FAF1: variants seen among roughly 807,000 people sequenced by gnomAD.
The protein encoded by FAF1 is FAS-associated factor 1.
FAF1 carries 25 observed loss-of-function variants against 92.5 expected under a neutral mutation model. The ratio of observed to expected loss-of-function variants is 0.27; its 90% CI spans 0.20 to 0.38. The LOEUF is 0.38. Ranked by LOEUF, FAF1 falls within the 10% of genes least tolerant of loss-of-function variation. The pLI, the probability that FAF1 is intolerant of heterozygous loss-of-function variation, is 1.00. For missense variants in FAF1, 636 were observed against 793.3 expected (o/e 0.80, Z 2.38); for synonymous variants, 234 against 273.2 (o/e 0.86, Z 1.42).
At chr1:50,536,119 T>C (rs952519562) in intron 14 of FAF1, among the ~76,000 whole-genome samples, 4 of 152,184 alleles carry the variant, frequency 2.6e-5, no homozygotes, top group Non-Finnish European at 5.9e-5. Context: ...AAAAGATTTC[T>C]TTTTTTGCCC....
At chr1:50,656,323 C>T (rs1402784304) in intron 7 of FAF1, among the ~76,000 whole-genome samples, 2 of 149,208 alleles carry the variant, frequency 1.3e-5, no homozygotes, top group African/African-American at 5.0e-5. Flanking sequence ...CAGAGTGAGA[C>T]TCCATCTCCC....
chr1:50,460,829 TGTG>T (rs1646419189), intron 18 of FAF1, among the ~76,000 whole-genome samples: 1 of 148,232 alleles, frequency 6.7e-6, no homozygotes, highest in African/African-American at 2.6e-5. Flanking sequence ...TGTGTGTGTG[TGTG>T]TGCAGAGAAA....
At chr1:50,776,826 T>C (rs1300745018) in intron 4 of FAF1, among the ~76,000 whole-genome samples, 2 of 152,088 alleles carry the variant, frequency 1.3e-5, no homozygotes, top group Non-Finnish European at 2.9e-5. Flanking sequence ...TCCCAACTAA[T>C]AAACCCGAGA....
At chr1:50,485,029 C>T (rs1028655096) in intron 17 of FAF1, among the ~76,000 whole-genome samples, 9 of 151,520 alleles carry the variant, frequency 5.9e-5, no homozygotes, top group Non-Finnish European at 8.8e-5. Flanking sequence ...GGGTGCAGCA[C>T]ACCAACATGG....
intron 1 of FAF1, among the ~76,000 whole-genome samples, chr1:50,926,879 CATAA>C (rs1203119834): frequency 3.9e-5 from 6 of 152,142 alleles, no homozygotes; most frequent in African/African-American, 1.4e-4. Context: ...AATGTCCATC[CATAA>C]ATAAAGAACA....
At position 50,904,131 on chromosome 1, in the gene FAF1, T is replaced by C. The variant is rs538835258; in HGVS notation, c.46-46134A>G. On this transcript the variant is annotated intron_variant, in intron 1 of 18. Transcript: ENST00000396153. ...AAGGTGGAAACAACCTAAATGTCCA[T>C]TGATAGATGAATAAACAAAATGTGG... is the stretch of plus-strand genomic sequence containing the variant. Among the ~76,000 whole-genome samples, 22 of 152,294 alleles carry C rather than the reference T, an allele frequency of 1.4e-4. No individual in the cohort carries two copies. The South Asian group carries it at 2.5e-3, about 17-fold the overall frequency.
intron 2 of FAF1, among the ~76,000 whole-genome samples, chr1:50,803,348 C>T (rs895798526): frequency 1.3e-5 from 2 of 152,110 alleles, no homozygotes; most frequent in African/African-American, 4.8e-5. Context: ...GGGAAGAATA[C>T]TAAGGACTCA....
At chr1:50,678,197 C>T (rs866557056) in intron 7 of FAF1, among the ~76,000 whole-genome samples, 42 of 152,164 alleles carry the variant, frequency 2.8e-4, no homozygotes, top group African/African-American at 1.0e-3. Flanking sequence ...TCTCTATACA[C>T]TTGCCTATGA....
At chr1:50,876,061 T>C (rs1054645653) in intron 1 of FAF1, among the ~76,000 whole-genome samples, 2 of 152,196 alleles carry the variant, frequency 1.3e-5, no homozygotes, top group African/African-American at 4.8e-5. Context: ...TAGTAGGATA[T>C]GTGCTATAAT....
intron 18 of FAF1, among the ~76,000 whole-genome samples, chr1:50,472,905 T>G (rs1298722614): frequency 6.6e-6 from 1 of 152,120 alleles, no homozygotes; most frequent in Non-Finnish European, 1.5e-5. Flanking sequence ...CAGAGAAGAA[T>G]GAAGGGCCTT....
At chr1:50,726,724 G>A (rs1288125850) in intron 6 of FAF1, among the ~76,000 whole-genome samples, 1 of 152,160 alleles carries the variant, frequency 6.6e-6, no homozygotes, top group Non-Finnish European at 1.5e-5. Context: ...AGCTACTCTG[G>A]AGGCTAAGGC....
chr1:50,881,267 G>T (rs549367154), intron 1 of FAF1, among the ~76,000 whole-genome samples: 2 of 152,146 alleles, frequency 1.3e-5, no homozygotes, highest in African/African-American at 4.8e-5. Context: ...AAATTCACTA[G>T]GTGGTTGTGA....
intron 8 of FAF1, among the ~76,000 whole-genome samples, chr1:50,598,059 T>C (rs2124088776): frequency 6.6e-6 from 1 of 152,248 alleles, no homozygotes; most frequent in South Asian, 2.1e-4. Context: ...TTTGCAAGGC[T>C]GAGTCAGGAG....
chr1:50,597,573 T>C (rs2124087153), intron 8 of FAF1, among the ~76,000 whole-genome samples: 1 of 152,270 alleles, frequency 6.6e-6, no homozygotes, highest in East Asian at 1.9e-4. Flanking sequence ...ATTAAATAAT[T>C]TGACAATTAT....
chr1:50,792,837 G>A (rs1257686116), intron 3 of FAF1, among the ~76,000 whole-genome samples: 1 of 152,132 alleles, frequency 6.6e-6, no homozygotes, highest in Non-Finnish European at 1.5e-5. Context: ...CAGAATGGCA[G>A]AGGTCAAATG....
chr1:50,676,507 C>A (rs1656128053), intron 7 of FAF1, among the ~76,000 whole-genome samples: 1 of 151,468 alleles, frequency 6.6e-6, no homozygotes, highest in Admixed American at 6.6e-5. Context: ...ATGTAACAAT[C>A]ACCCTGGAAT....
chr1:50,734,733 C>CAAAAAA (rs71672961), intron 6 of FAF1, among the ~76,000 whole-genome samples: 2 of 84,178 alleles, frequency 2.4e-5, no homozygotes, highest in African/African-American at 4.3e-5. Flanking sequence ...GACTCCATCT[C>CAAAAAA]AAAAAAAAAA....
chr1:50,892,588 T>G (rs1644728837), intron 1 of FAF1, among the ~76,000 whole-genome samples: 2 of 152,236 alleles, frequency 1.3e-5, no homozygotes, highest in Non-Finnish European at 2.9e-5. Context: ...CATTGTATGT[T>G]GTTTCTCTTC....
intron 10 of FAF1, among the ~76,000 whole-genome samples, chr1:50,584,127 A>G (rs1222429886): frequency 6.6e-6 from 1 of 152,128 alleles, no homozygotes; most frequent in African/African-American, 2.4e-5. Context: ...TAAACATCAC[A>G]TCTATTTCTG....
Sources: allele counts gnomAD v4.1 joint callset (sites outside exome capture counted in the v4.1 genomes callset), GRCh38; gene constraint gnomAD v4.1.1; transcripts MANE v1.5; gene names NCBI Gene and HGNC (gene_info 2026-07-23, HGNC 2026-07-21).